NTRK3: variants seen among roughly 807,000 people sequenced by gnomAD.
NTRK3 encodes the protein NT-3 growth factor receptor.
In NTRK3, 24 loss-of-function variants were observed where a neutral mutation model predicts 91.7. The ratio of observed to expected loss-of-function variants is 0.26; its 90% CI spans 0.19 to 0.37. The LOEUF (loss-of-function observed/expected upper bound fraction) is 0.37. Ranked by LOEUF, NTRK3 falls within the 10% of genes least tolerant of loss-of-function variation. NTRK3 has a pLI of 1.00. For synonymous variants in NTRK3, 483 were observed against 404.0 expected (o/e 1.20, Z -2.34); for missense variants, 880 against 1,068.9 (o/e 0.82, Z 2.46).
chr15:88,248,293 G>A (rs1053112781), intron 3 of NTRK3, among the ~76,000 whole-genome samples: 1 of 152,196 alleles, frequency 6.6e-6, no homozygotes, highest in African/African-American at 2.4e-5. Flanking sequence ...GAACAGGTCA[G>A]AAGGAGAGAC....
intron 17 of NTRK3, among the ~76,000 whole-genome samples, chr15:87,896,861 T>G (rs1313121895): frequency 1.3e-5 from 2 of 152,130 alleles, no homozygotes; most frequent in Non-Finnish European, 2.9e-5. Context: ...CCTCTCCTCT[T>G]CCCAGTAAAG....
At chr15:87,956,023 A>G (rs2071620349) in intron 14 of NTRK3, among the ~76,000 whole-genome samples, 1 of 152,042 alleles carries the variant, frequency 6.6e-6, no homozygotes, top group Non-Finnish European at 1.5e-5. Context: ...CCGTGGTGGG[A>G]CAAGGAGAGG....
chr15:88,135,842 C>G, intron 9 of NTRK3, 57 bp downstream of exon 9: 1 of 1,604,374 alleles, frequency 6.2e-7, no homozygotes, highest in South Asian at 1.1e-5. Context: ...CCCTCTCCAG[C>G]CTCCTATGCC....
chr15:88,012,479 G>C (rs966429362), intron 14 of NTRK3, among the ~76,000 whole-genome samples: 2 of 152,166 alleles, frequency 1.3e-5, no homozygotes, highest in African/African-American at 4.8e-5. Flanking sequence ...CCCAGAAATA[G>C]CACGGAAATC....
intron 14 of NTRK3, among the ~76,000 whole-genome samples, chr15:87,969,970 C>G (rs760489573): frequency 2.0e-5 from 3 of 152,088 alleles, no homozygotes; most frequent in Admixed American, 6.5e-5. Flanking sequence ...ACAACATATT[C>G]AGAGAGAGAG....
chr15:87,990,911 T>C (rs1465700077), intron 14 of NTRK3, among the ~76,000 whole-genome samples: 2 of 152,192 alleles, frequency 1.3e-5, no homozygotes, highest in Non-Finnish European at 2.9e-5. Flanking sequence ...ATACCAACAA[T>C]TTGCATAACT....
chr15:88,021,199 A>T (rs866220021), intron 14 of NTRK3, among the ~76,000 whole-genome samples: 5 of 152,062 alleles, frequency 3.3e-5, no homozygotes, highest in African/African-American at 1.2e-4. Flanking sequence ...GAATGTTACC[A>T]CCCCAATTCG....
intron 14 of NTRK3, among the ~76,000 whole-genome samples, chr15:87,943,048 G>C (rs982047073): frequency 6.6e-6 from 1 of 151,930 alleles, no homozygotes; most frequent in Non-Finnish European, 1.5e-5. Context: ...AGGAGAACTT[G>C]AGAATGCGTC....
chr15:87,932,976 T>G, intron 16 of NTRK3, 36 bp downstream of exon 16: 1 of 1,611,964 alleles, frequency 6.2e-7, no homozygotes, highest in Non-Finnish European at 8.5e-7. Context: ...TCGGTGGGAC[T>G]GGGGTCAGGT....
At chr15:88,135,864 A>C in intron 9 of NTRK3, 35 bp downstream of exon 9, 1 of 1,612,708 alleles carries the variant, frequency 6.2e-7, no homozygotes, top group South Asian at 1.1e-5. Flanking sequence ...GTTGCCCCTC[A>C]CACACAGCCA....
chr15:88,118,670 T>C (rs923345789), intron 13 of NTRK3, among the ~76,000 whole-genome samples: 6 of 152,258 alleles, frequency 3.9e-5, no homozygotes, highest in African/African-American at 1.2e-4. Flanking sequence ...TCTTCTGTTA[T>C]AGTTTCCTAA....
chr15:87,915,465 TA>T (rs2067382293), intron 17 of NTRK3, among the ~76,000 whole-genome samples: 1 of 152,254 alleles, frequency 6.6e-6, no homozygotes, highest in Admixed American at 6.5e-5. Context: ...TTGTAGCTAC[TA>T]ACTCCACAAT....
At chr15:88,187,810 T>C (rs2047065275) in intron 3 of NTRK3, among the ~76,000 whole-genome samples, 1 of 151,642 alleles carries the variant, frequency 6.6e-6, no homozygotes, top group African/African-American at 2.4e-5. Flanking sequence ...GGTGGGCGCC[T>C]GTAATCCCAA....
intron 3 of NTRK3, among the ~76,000 whole-genome samples, chr15:88,191,992 C>G (rs1380252574): frequency 6.6e-6 from 1 of 152,238 alleles, no homozygotes; most frequent in East Asian, 1.9e-4. Context: ...GCACACAAGC[C>G]TACAAGCAGC....
chr15:88,086,513 T>C (rs1453412275), intron 13 of NTRK3, among the ~76,000 whole-genome samples: 3 of 151,548 alleles, frequency 2.0e-5, no homozygotes, highest in Non-Finnish European at 4.4e-5. Flanking sequence ...GTTTATTTTA[T>C]TTTTTAAAAA....
chr15:88,240,021 AAC>A lies in NTRK3; in HGVS notation c.248+15883_248+15884del, dbSNP rs2052176934. Among the ~76,000 whole-genome samples, 1 of 151,880 alleles carries A rather than the reference AAC, an allele frequency of 6.6e-6. No homozygotes were observed. On this transcript the variant is annotated intron_variant, in intron 3 of 18. Coordinates refer to ENST00000394480, the Ensembl canonical transcript of NTRK3. This position sits in a 1 kb window ranked among gnomAD's most constrained non-coding sequence, Gnocchi z 4.9. ...ATAACTCACAGGGTCTGGTCTCCAG[AAC>A]ACACATATACACACACAGCGACACA...
chr15:88,126,623 G>A (rs572442823), intron 12 of NTRK3, among the ~76,000 whole-genome samples: 3 of 152,280 alleles, frequency 2.0e-5, no homozygotes, highest in Admixed American at 2.0e-4. Flanking sequence ...CTTCTCACCT[G>A]GGGCCATTCT....
chr15:88,072,131 G>A (rs965318058), intron 13 of NTRK3, among the ~76,000 whole-genome samples: 2 of 150,828 alleles, frequency 1.3e-5, no homozygotes, highest in African/African-American at 4.9e-5. Flanking sequence ...TCAGCCTCCT[G>A]AGTAGCTGGG....
chr15:88,228,278 C>A (rs1437830652), intron 3 of NTRK3, among the ~76,000 whole-genome samples: 2 of 152,150 alleles, frequency 1.3e-5, no homozygotes, highest in Non-Finnish European at 2.9e-5. Flanking sequence ...CTCTCTCCCA[C>A]CCCCTCTTCC....
Sources: allele counts gnomAD v4.1 joint callset (sites outside exome capture counted in the v4.1 genomes callset), GRCh38; gene constraint gnomAD v4.1.1; non-coding constraint Gnocchi (gnomAD v3.1); transcripts MANE v1.5; gene names NCBI Gene and HGNC (gene_info 2026-07-23, HGNC 2026-07-21).